CRACR2B: variants seen among roughly 807,000 people sequenced by gnomAD.
CRACR2B encodes EF-hand calcium-binding domain-containing protein 4A.
CRACR2B carries 50 observed loss-of-function variants against 46.0 expected under a neutral mutation model. The observed-to-expected ratio is 1.09, with a 90% confidence interval of 0.87 to 1.38. The LOEUF (loss-of-function observed/expected upper bound fraction) is 1.38. Ranked by LOEUF, CRACR2B falls within the 40% of genes most tolerant of loss-of-function variation. The pLI is 0.00. For synonymous variants in CRACR2B, 277 were observed against 239.6 expected (o/e 1.16, Z -1.44); for missense variants, 667 against 535.0 (o/e 1.25, Z -2.43).
Position 828,442 on chromosome 11 carries a change from C to T in CRACR2B, c.-166C>T, listed in dbSNP as rs527342100. On this transcript the variant is annotated 5_prime_UTR_variant, in exon 1 of 9. Coordinates refer to ENST00000525077, the MANE Select transcript of CRACR2B (RefSeq NM_001286606.2). ...GCCTGCAGCATTTTCCACCCCCAGC[C>T]CCCTGGTCCCACCTTGCCTTCCGCC... The T allele has an allele frequency of 1.6e-5, 12 of 769,668 alleles. 1 individual carries two copies. The South Asian group carries it at 1.8e-4, about 12-fold the overall frequency. 47.7% of individuals were successfully genotyped at this position (769,668 alleles called of 1,614,324 possible).
chr11:827,915 C>T (rs1846028591), upstream of CRACR2B, among the ~76,000 whole-genome samples: 7 of 152,194 alleles, frequency 4.6e-5, no homozygotes, highest in Admixed American at 3.9e-4. Flanking sequence ...CGGGGAAGGG[C>T]CTCAGTGTTG....
chr11:828,520 T>C lies in CRACR2B; in HGVS notation c.-88T>C. On this transcript the variant is annotated 5_prime_UTR_variant, in exon 1 of 9. Transcript: ENST00000525077. ...CCTCGGCTGAGCCTTCAGACACACT[T>C]GCACCCCATCCGCTCCCCTCCTGAA... 7.0e-7 allele frequency: 1 copy of C among 1,435,048 alleles called. No homozygotes were observed. Among genetic ancestry groups the C allele is most frequent in the Non-Finnish European group, 9.1e-7 (1 of 1,092,956 alleles). The allele number at this position is 1,435,048 out of a possible 1,614,324, so 88.9% of individuals were successfully genotyped here. A position where few individuals can be genotyped will look rare whatever the true frequency, so the allele number is the denominator to read the frequency against.
Position 831,717 on chromosome 11 carries a change from C to G in CRACR2B, c.*8C>G, listed in dbSNP as rs537835845. On this transcript the variant is annotated 3_prime_UTR_variant, in exon 9 of 9. Transcript: ENST00000525077. The stretch of plus-strand genomic sequence containing the variant: ...CTTCCCAGTGCCCGGTGACCAGCCC[C>G]GAGTGACTCACGGACCATGAGCTAG... The G allele has an allele frequency of 2.6e-4, 393 of 1,502,750 alleles. 1 individual carries two copies. In the South Asian group the frequency reaches 4.7e-3, roughly 18 times the overall value. 93.1% of individuals were successfully genotyped at this position (1,502,750 alleles called of 1,614,324 possible). A position where few individuals can be genotyped will look rare whatever the true frequency, so the allele number is the denominator to read the frequency against.
intron 2 of CRACR2B, 147 bp downstream of exon 2, chr11:829,110 G>T (rs1359378872): frequency 7.8e-7 from 1 of 1,290,168 alleles, no homozygotes; most frequent in Non-Finnish European, 1.1e-6. Flanking sequence ...CTCGCGCCTG[G>T]GGGCTCCTAG....
In CRACR2B at chr11:828,601, T is replaced by C; in HGVS notation, c.-7T>C. 2 of 1,584,468 alleles carry C rather than the reference T, an allele frequency of 1.3e-6. No homozygotes were observed. Among genetic ancestry groups the C allele is most frequent in the Non-Finnish European group, 1.7e-6 (2 of 1,172,126 alleles). ...ACCTGAAGGCCAGGCTGAGGCCCCC[T>C]GCTCTCATGGCCAGCCCTGGAAAGC... is the stretch of plus-strand genomic sequence containing the variant. On this transcript the variant is annotated 5_prime_UTR_variant, in exon 1 of 9. Transcript: ENST00000525077.
chr11:830,457 C>T (rs996670603), intron 5 of CRACR2B, 120 bp downstream of exon 5: 1 of 1,536,124 alleles, frequency 6.5e-7, no homozygotes, highest in East Asian at 2.4e-5. Context: ...CCAGGCTGCC[C>T]TCAGCCCGAG....
Position 830,346 on chromosome 11 carries a change from C to T in CRACR2B, c.693+9C>T. On this transcript the variant is annotated intron_variant, in intron 5 of 8. Transcript: ENST00000525077. ...GGCGCCCGCCGAGTCAGGTGGGCCT[C>T]GGGCCCCGCCCCTCCCGCCAGGCCC... The T allele has an allele frequency of 6.5e-7, 1 of 1,535,554 alleles. No individual in the cohort carries two copies. Among genetic ancestry groups the T allele is most frequent in the South Asian group, 1.2e-5 (1 of 83,990 alleles).
chr11:831,856 A>T lies in CRACR2B; in HGVS notation c.*147A>T. 1 of 1,052,628 alleles carries T rather than the reference A, an allele frequency of 9.5e-7. No individual in the cohort carries two copies. Among genetic ancestry groups the T allele is most frequent in the Non-Finnish European group, 1.3e-6 (1 of 774,442 alleles). The allele number at this position is 1,052,628 out of a possible 1,614,324, so 65.2% of individuals were successfully genotyped here. On this transcript the variant is annotated 3_prime_UTR_variant, in exon 9 of 9. Transcript: ENST00000525077. ...GAAGACATGAAGGACCTAGCCTAGG[A>T]GTGGTCAGGGTCCCGGGAGTGGCCA...
chr11:830,580 G>A (rs747145870), intron 5 of CRACR2B, 41 bp from the exon 6 acceptor site: 930 of 1,548,432 alleles, frequency 6.0e-4, no homozygotes, highest in Non-Finnish European at 7.6e-4. Flanking sequence ...TTGCATGGCC[G>A]AGCGGCCGGC....
intron 3 of CRACR2B, 74 bp from the exon 4 acceptor site, chr11:829,912 G>A: frequency 6.6e-7 from 1 of 1,512,440 alleles, no homozygotes; most frequent in South Asian, 1.2e-5. Flanking sequence ...GTCTCCTAAG[G>A]GTTTGCTGCT....
chr11:830,259 C>T lies in CRACR2B; in HGVS notation c.615C>T (p.Ser205=). 6.6e-7 allele frequency: 1 copy of T among 1,515,272 alleles called. No homozygotes were observed. 93.9% of individuals were successfully genotyped at this position (1,515,272 alleles called of 1,614,324 possible). ...GLEQALRRRE[S]EHEREVRALY... ...GCCCGGTCCCCCGAAGGCGCGAGAG[C>T]GAGCACGAGAGGGAGGTGCGCGCTC... The change falls in exon 5 of 9, where the codon AGC becomes AGT. Residue 205 remains serine (S), a synonymous_variant. Coordinates refer to ENST00000525077, the MANE Select transcript of CRACR2B (RefSeq NM_001286606.2).
At position 830,942 on chromosome 11, in the gene CRACR2B, A is replaced by G; in HGVS notation, c.863A>G (p.His288Arg). The G allele has an allele frequency of 6.5e-7, 1 of 1,533,028 alleles. No homozygotes were observed. The highest frequency in any genetic ancestry group is 1.4e-5 in the African/African-American group (1 of 73,092). The allele number at this position is 1,533,028 out of a possible 1,614,324, so 95.0% of individuals were successfully genotyped here. A position where few individuals can be genotyped will look rare whatever the true frequency, so the allele number is the denominator to read the frequency against. ...QAQNSQLWRA[H>R]EALRTQLEGA... Reference sequence around the variant, plus strand: ...CAGAACTCCCAGCTGTGGCGGGCGCACGAGGCGCTGCGAACGCAGCTGGAG... The same window carrying G: ...CAGAACTCCCAGCTGTGGCGGGCGCGCGAGGCGCTGCGAACGCAGCTGGAG... Residue 288 changes from histidine to arginine, a missense_variant, in exon 7 of 9, where the codon CAC becomes CGC. By Grantham distance (29) the His-to-Arg change is conservative. Transcript: ENST00000525077.
In CRACR2B at chr11:828,909, C is replaced by G; in HGVS notation, c.223C>G (p.Leu75Val). ...PEQLEAVFES[L>V]DRAHTGFLTA... The stretch of plus-strand genomic sequence containing the variant: ...GCAGCTGGAGGCTGTGTTTGAAAGT[C>G]TGGACCGGGCTCACACTGGCTTCCT... Residue 75 changes from leucine (L) to valine (V), a missense_variant, in exon 2 of 9, where the codon CTG becomes GTG. Leu to Val is a conservative substitution (Grantham distance 32, BLOSUM62 1). Transcript: ENST00000525077. The G allele has an allele frequency of 1.9e-6, 3 of 1,609,096 alleles. No individual in the cohort carries two copies. Among genetic ancestry groups the G allele is most frequent in the Non-Finnish European group, 2.5e-6 (3 of 1,179,954 alleles).
rs551315583 is a variant in CRACR2B, at chr11:831,099, G to T, written c.953+67G>T. 3.1e-4 allele frequency: 487 copies of T among 1,553,996 alleles called. 3 individuals are homozygous for T. In the African/African-American group the frequency reaches 6.3e-3, roughly 20 times the overall value. On this transcript the variant is annotated intron_variant, in intron 7 of 8. Transcript: ENST00000525077. ...GGGGGCGGGGCCGACGGGCGCTCAG[G>T]TCTGGGCCACTTTCATCCCCATCTC...
chr11:827,355 A>C (rs1845971625), upstream of CRACR2B: 1 of 164,726 alleles, frequency 6.1e-6, no homozygotes, highest in East Asian at 1.9e-4. Context: ...AGGCCCCTCC[A>C]CTGCCGCCCG....
Position 830,082 on chromosome 11 carries a change from C to A in CRACR2B, c.555C>A (p.Cys185Ter), listed in dbSNP as rs941848327. 5 of 1,547,526 alleles carry A rather than the reference C, an allele frequency of 3.2e-6. No homozygotes were observed. Among genetic ancestry groups the A allele is most frequent in the East Asian group, 2.4e-5 (1 of 41,754 alleles). The change falls in exon 4 of 9, where the codon TGC (cysteine) becomes TGA (stop). Residue 185 changes from cysteine (C) to a stop codon, truncating the protein, a stop_gained. Transcript: ENST00000525077. LOFTEE classifies it high-confidence loss of function. ...FEDVLIRASA[C>*]LEEAARERDG... is the part of the protein sequence containing the mutation. ...ATGTTCTGATACGCGCGTCGGCCTG[C>A]CTGGAGGAGGCGGCCCGGGAGCGCG...
upstream of CRACR2B, among the ~76,000 whole-genome samples, chr11:826,587 A>T (rs1241867363): frequency 6.6e-6 from 1 of 152,248 alleles, no homozygotes; most frequent in Non-Finnish European, 1.5e-5. Context: ...GCAATGGCAC[A>T]ATCTCGGCTC....
Position 831,816 on chromosome 11 carries a change from C to T in CRACR2B, c.*107C>T. 1 of 1,341,526 alleles carries T rather than the reference C, an allele frequency of 7.5e-7. No homozygotes were observed. Among genetic ancestry groups the T allele is most frequent in the Non-Finnish European group, 9.7e-7 (1 of 1,027,912 alleles). 83.1% of individuals were successfully genotyped at this position (1,341,526 alleles called of 1,614,324 possible). Reference sequence around the variant, plus strand: ...GATGCAGGCTCTCCCCAGTGGGCCCCAGGCTCGCCTGACTGAAGACATGAA... The same window carrying T: ...GATGCAGGCTCTCCCCAGTGGGCCCTAGGCTCGCCTGACTGAAGACATGAA... On this transcript the variant is annotated 3_prime_UTR_variant, in exon 9 of 9. Coordinates refer to ENST00000525077, the MANE Select transcript of CRACR2B (RefSeq NM_001286606.2).
chr11:830,783 G>C (rs1324793711), intron 6 of CRACR2B, 70 bp downstream of exon 6: 5 of 1,481,856 alleles, frequency 3.4e-6, no homozygotes, highest in Non-Finnish European at 4.5e-6. Flanking sequence ...TAGCGTCCCC[G>C]GGTTGTCGGG....
Sources: allele counts gnomAD v4.1 joint callset (sites outside exome capture counted in the v4.1 genomes callset), GRCh38; gene constraint gnomAD v4.1.1; transcripts MANE v1.5; gene names NCBI Gene and HGNC (gene_info 2026-07-23, HGNC 2026-07-21).